ACSF3: variants seen among roughly 807,000 people sequenced by gnomAD.
ACSF3 encodes acyl-CoA synthetase family member 3.
Under a neutral mutation model 53.2 loss-of-function variants are expected in ACSF3, and 78 were observed. The ratio of observed to expected loss-of-function variants is 1.47; its 90% confidence interval spans 1.22 to 1.77. The LOEUF is 1.77. Among genes scored for constraint, ACSF3 ranks in the 40% most tolerant of loss-of-function variants. The pLI, the probability that ACSF3 is intolerant of heterozygous loss-of-function variation, is 0.00. For synonymous variants in ACSF3, 414 were observed against 333.1 expected (o/e 1.24, Z -2.65); for missense variants, 937 against 771.1 (o/e 1.22, Z -2.55).
At chr16:89,133,897 G>A (rs1186815652) in intron 8 of ACSF3, among the ~76,000 whole-genome samples, 2 of 152,146 alleles carry the variant, frequency 1.3e-5, no homozygotes, top group Admixed American at 6.5e-5. Context: ...AGACGGCGGC[G>A]CCCCTGGAGC....
chr16:89,147,221 T>G lies in ACSF3; in HGVS notation c.1613+1172T>G, dbSNP rs1262664196. On this transcript the variant is annotated intron_variant, in intron 10 of 10. Transcript: ENST00000614302. The stretch of plus-strand genomic sequence containing the variant: ...AGAGTGAGTGAGAGAGGAGGGAGGG[T>G]CCACAGAGTGAGTGAGGGAGGAGGG... Among the ~76,000 whole-genome samples the G allele has an allele frequency of 4.6e-3, 168 of 36,438 alleles. 3 individuals are homozygous for G. The highest frequency in any genetic ancestry group is 0.037 in the Middle Eastern group (2 of 54). The allele number at this position is 36,438 out of a possible 152,430, so 23.9% of individuals were successfully genotyped here.
At chr16:89,102,464 G>C in intron 3 of ACSF3, 140 bp from the exon 4 acceptor site, 1 of 954,154 alleles carries the variant, frequency 1.0e-6, no homozygotes, top group Non-Finnish European at 1.6e-6. Context: ...TGCTAAAGGG[G>C]AGCAACAAAG....
At chr16:89,138,741 A>G (rs1444785117) in intron 8 of ACSF3, among the ~76,000 whole-genome samples, 4 of 152,192 alleles carry the variant, frequency 2.6e-5, no homozygotes, top group Admixed American at 1.3e-4. Flanking sequence ...CTCCTGCAAG[A>G]TGCCCTTCTG....
In ACSF3 at chr16:89,105,045, C is replaced by T. The variant is rs1026392110; in HGVS notation, c.822+2286C>T. Among the ~76,000 whole-genome samples, 1,216 of 151,094 alleles carry T rather than the reference C, an allele frequency of 8.0e-3. 41 individuals are homozygous for T. Among genetic ancestry groups the T allele is most frequent in the Admixed American group, 0.053 (800 of 15,160 alleles). On this transcript the variant is annotated intron_variant, in intron 4 of 10. Transcript: ENST00000614302. ...AGCCACAGAGCCTCCCTGAGGGCCCCGTCGCCAGGGTCACCTCCTGAAGAG... is the reference window on the plus strand; with the variant it reads ...AGCCACAGAGCCTCCCTGAGGGCCCTGTCGCCAGGGTCACCTCCTGAAGAG...
intron 7 of ACSF3, among the ~76,000 whole-genome samples, chr16:89,125,698 A>AAGAGAG (rs56085364): frequency 0.33 from 49,236 of 147,742 alleles, 8,258 homozygotes; most frequent in East Asian, 0.41. Context: ...CAAAAAAAAA[A>AAGAGAG]AGAGAGAGAG....
rs142870821 is a variant in ACSF3, at chr16:89,155,224, G to A, written c.*1017G>A. The stretch of plus-strand genomic sequence containing the variant: ...GCTGCCTCCTCCCCACAGCCTGGGG[G>A]AAGTAACAGTCATCGCCCAGCAGTG... On this transcript the variant is annotated 3_prime_UTR_variant, in exon 11 of 11. Transcript: ENST00000614302. 7.6e-4 allele frequency: 343 copies of A among 454,162 alleles called. 1 individual carries two copies. The highest frequency in any genetic ancestry group is 6.0e-3 in the African/African-American group (302 of 50,144). The allele number at this position is 454,162 out of a possible 1,614,324, so 28.1% of individuals were successfully genotyped here. A position where few individuals can be genotyped will look rare whatever the true frequency, so the allele number is the denominator to read the frequency against.
rs751827304 is a variant in ACSF3, at chr16:89,155,188, CAGA to C, written c.*986_*988del. 3.7e-4 allele frequency: 166 copies of C among 454,170 alleles called. No homozygotes were observed. The highest frequency in any genetic ancestry group is 2.8e-3 in the Middle Eastern group (4 of 1,444). The allele number at this position is 454,170 out of a possible 1,614,324, so 28.1% of individuals were successfully genotyped here. A position where few individuals can be genotyped will look rare whatever the true frequency, so the allele number is the denominator to read the frequency against. On this transcript the variant is annotated 3_prime_UTR_variant, in exon 11 of 11. Transcript: ENST00000614302. ...AATCCAGAAGTTTCTGGACAATTTT[CAGA>C]AGAATAGGCTGCCTCCTCCCCACAG...
intron 8 of ACSF3, chr16:89,145,013 G>T: frequency 1.1e-6 from 1 of 941,152 alleles, no homozygotes. Flanking sequence ...ATGGGGAAGG[G>T]ACCCCACAGG....
chr16:89,115,625 C>A (rs1234552619), intron 6 of ACSF3, among the ~76,000 whole-genome samples: 1 of 152,244 alleles, frequency 6.6e-6, no homozygotes, highest in Non-Finnish European at 1.5e-5. Context: ...TTTTTTATTT[C>A]ACCTGGGCAG....
At chr16:89,113,938 C>T in intron 5 of ACSF3, 1 of 337,882 alleles carries the variant, frequency 3.0e-6, no homozygotes, top group South Asian at 2.3e-5. Flanking sequence ...CTGGCCGCAG[C>T]CTGCAGCGCC....
intron 7 of ACSF3, among the ~76,000 whole-genome samples, chr16:89,123,096 G>C (rs899359903): frequency 6.6e-6 from 1 of 152,196 alleles, no homozygotes; most frequent in Non-Finnish European, 1.5e-5. Context: ...GCAGGCCCGG[G>C]AACATTTCCA....
intron 4 of ACSF3, 39 bp from the exon 5 acceptor site, chr16:89,112,053 C>G (rs1481970983): frequency 6.2e-7 from 1 of 1,613,970 alleles, no homozygotes; most frequent in Non-Finnish European, 8.5e-7. Flanking sequence ...GCCCCAGTGC[C>G]TGCTCATCTT....
chr16:89,118,560 G>GAAGA (rs1261119089), intron 6 of ACSF3, among the ~76,000 whole-genome samples: 5 of 58,684 alleles, frequency 8.5e-5, no homozygotes, highest in African/African-American at 1.9e-4. Flanking sequence ...TCCGTGCTCG[G>GAAGA]AAGAGAGAGA....
At chr16:89,097,464 C>T (rs770006452) in intron 1 of ACSF3, among the ~76,000 whole-genome samples, 10 of 152,254 alleles carry the variant, frequency 6.6e-5, no homozygotes, top group Admixed American at 2.0e-4. Flanking sequence ...CTCTCAGCAG[C>T]GGAAGTCTGG....
At chr16:89,112,392 G>A (rs1048760157) in intron 5 of ACSF3, 146 bp downstream of exon 5, 34 of 1,037,188 alleles carry the variant, frequency 3.3e-5, no homozygotes, top group African/African-American at 1.9e-4. Flanking sequence ...ACCCGTCTCC[G>A]TCTCTACCTC....
chr16:89,097,190 A>AG (rs1445646605), intron 1 of ACSF3, among the ~76,000 whole-genome samples: 3 of 152,004 alleles, frequency 2.0e-5, no homozygotes, highest in Admixed American at 2.0e-4. Context: ...GCGTGTGGTT[A>AG]CCGTGTGCAC....
chr16:89,099,829 G>C (rs1176850227), intron 2 of ACSF3, among the ~76,000 whole-genome samples: 2 of 151,062 alleles, frequency 1.3e-5, no homozygotes, highest in South Asian at 4.2e-4. Context: ...ATCCCAGATA[G>C]ATAATAAAGA....
chr16:89,104,431 G>A (rs1215544723), intron 4 of ACSF3, among the ~76,000 whole-genome samples: 2 of 152,194 alleles, frequency 1.3e-5, no homozygotes, highest in Non-Finnish European at 2.9e-5. Flanking sequence ...AGCCACCAGT[G>A]GCCGGCCCCA....
chr16:89,094,721 C>G (rs927397813), intron 1 of ACSF3, among the ~76,000 whole-genome samples: 1 of 152,116 alleles, frequency 6.6e-6, no homozygotes, highest in Non-Finnish European at 1.5e-5. Flanking sequence ...GGTGAGACCC[C>G]TATCTCTACA....
Sources: gnomAD v4.1 joint callset for allele counts (sites outside exome capture counted in the v4.1 genomes callset) on GRCh38, gnomAD v4.1.1 for gene constraint, MANE v1.5 for transcripts, NCBI Gene and HGNC (gene_info 2026-07-23, HGNC 2026-07-21) for gene names.